ADGRF5: variants seen among roughly 807,000 people sequenced by gnomAD.
ADGRF5 encodes adhesion G protein-coupled receptor F5.
In ADGRF5, 75 loss-of-function variants were observed where a neutral mutation model predicts 132.3. The ratio of observed to expected loss-of-function variants is 0.57; its 90% CI spans 0.47 to 0.69. ADGRF5 has a LOEUF of 0.69. ADGRF5 is among the 30% of genes least tolerant of loss of function. The pLI is 0.00. For missense variants in ADGRF5, 1,516 were observed against 1,630.6 expected (o/e 0.93, Z 1.21); for synonymous variants, 629 against 597.6 (o/e 1.05, Z -0.77).
At chr6:46,936,496 G>A (rs888115293) in intron 1 of ADGRF5, among the ~76,000 whole-genome samples, 4 of 152,188 alleles carry the variant, frequency 2.6e-5, no homozygotes, top group Non-Finnish European at 2.9e-5. Flanking sequence ...GTGAGTTTAC[G>A]TCACACACGC....
At position 46,892,706 on chromosome 6, in the gene ADGRF5, C is replaced by A. The variant is rs148455210; in HGVS notation, c.158-4201G>T. ...TGGAGGTTGCAGTGAGCCGAGATTG[C>A]GCCACTGCACTCCAGCCTGGGAGAC... is the stretch of plus-strand genomic sequence containing the variant. On this transcript the variant is annotated intron_variant, in intron 3 of 20. Coordinates refer to ENST00000283296, the MANE Select transcript of ADGRF5 (RefSeq NM_001098518.2). Among the ~76,000 whole-genome samples the A allele has an allele frequency of 7.4e-3, 1,132 of 152,152 alleles. 10 individuals are homozygous for A. Among genetic ancestry groups the A allele is most frequent in the African/African-American group, 0.026 (1,075 of 41,502 alleles).
rs1581838783 is a variant in ADGRF5 at position 46,883,441 on chromosome 6, A to C, written c.612+118T>G. 1.1e-5 allele frequency: 7 copies of C among 644,078 alleles called. No homozygotes were observed. The East Asian group carries it at 2.1e-4, about 19-fold the overall frequency. 39.9% of individuals were successfully genotyped at this position (644,078 alleles called of 1,614,324 possible). On this transcript the variant is annotated intron_variant, in intron 6 of 20. Coordinates refer to ENST00000283296, the MANE Select transcript of ADGRF5 (RefSeq NM_001098518.2). ...AATTCACCATCTCAGATGTAAAAGA[A>C]TAATAAATCCACATCCGTAAATTCT...
At chr6:46,923,636 C>A (rs1777106721), upstream of ADGRF5, among the ~76,000 whole-genome samples, 1 of 152,210 alleles carries the variant, frequency 6.6e-6, no homozygotes, top group African/African-American at 2.4e-5. Context: ...TTGTTGGGTG[C>A]AGCAGGCTGT....
At position 46,856,712 on chromosome 6, in the gene ADGRF5, G is replaced by A. The variant is rs1769091268; in HGVS notation, c.3876+6C>T. ...AATGAAAAGTCTCTGCAGAGAAAAA[G>A]TTTACCTTTGAGTGCTGTGAAGACC... On this transcript the variant is annotated splice_donor_region_variant and intron_variant, in intron 19 of 20. Transcript: ENST00000283296. 1.5e-6 allele frequency: 2 copies of A among 1,318,834 alleles called. No homozygotes were observed. Among genetic ancestry groups the A allele is most frequent in the African/African-American group, 2.8e-5 (2 of 71,994 alleles). 81.7% of individuals were successfully genotyped at this position (1,318,834 alleles called of 1,614,324 possible).
At chr6:46,887,097 T>C (rs560764371) in intron 4 of ADGRF5, 2 of 152,348 alleles carry the variant, frequency 1.3e-5, no homozygotes, top group South Asian at 4.1e-4. Flanking sequence ...ATTGAATATA[T>C]GTAAGATAAA....
rs11426832 is a variant in ADGRF5 at position 46,953,618 on chromosome 6, GA to G, written c.-25+1115del. On this transcript the variant is annotated intron_variant, in intron 1 of 20. Coordinates refer to the ADGRF5 transcript ENST00000265417. Reference sequence around the variant, plus strand: ...GGCGACAGAGTGAGACACAGTCTCAGAAAAAAAAAATTATATATATATAGAT... The same window carrying G: ...GGCGACAGAGTGAGACACAGTCTCAGAAAAAAAAATTATATATATATAGAT... 4.4e-4 allele frequency among the ~76,000 whole-genome samples: 48 copies of G among 108,454 alleles called. 1 individual carries two copies. Among genetic ancestry groups the G allele is most frequent in the African/African-American group, 1.4e-3 (38 of 27,204 alleles). 71.2% of individuals were successfully genotyped at this position (108,454 alleles called of 152,430 possible).
intron 17 of ADGRF5, 82 bp from the exon 18 acceptor site, chr6:46,856,990 G>T: frequency 2.8e-6 from 3 of 1,063,850 alleles, no homozygotes; most frequent in Non-Finnish European, 4.3e-6. Context: ...TTAACCTGGT[G>T]TTAAATTTGT....
rs770739353 is a variant in ADGRF5 at position 46,881,430 on chromosome 6, A to T, written c.814+25T>A. 1.4e-5 allele frequency: 22 copies of T among 1,597,116 alleles called. No homozygotes were observed. In the South Asian group the frequency reaches 2.1e-4, roughly 15 times the overall value. ...TTTACGCATAACCATAAATAACATG[A>T]CCATATCTAAACAATTTCACTTACT... On this transcript the variant is annotated intron_variant, in intron 8 of 20. Coordinates refer to ENST00000283296, the MANE Select transcript of ADGRF5 (RefSeq NM_001098518.2).
intron 11 of ADGRF5, among the ~76,000 whole-genome samples, chr6:46,869,637 T>A (rs1048777544): frequency 6.6e-6 from 1 of 152,230 alleles, no homozygotes; most frequent in African/African-American, 2.4e-5. Flanking sequence ...GCACTGGGTC[T>A]AGTACACAGT....
intron 16 of ADGRF5, 130 bp downstream of exon 16, chr6:46,860,585 G>T: frequency 1.8e-6 from 1 of 549,832 alleles, no homozygotes; most frequent in Non-Finnish European, 3.2e-6. Flanking sequence ...ATAGCTGGCA[G>T]AACTATCCTG....
intron 17 of ADGRF5, 83 bp downstream of exon 17, chr6:46,858,046 T>C (rs1465923855): frequency 2.9e-6 from 3 of 1,041,092 alleles, no homozygotes; most frequent in Non-Finnish European, 2.8e-6. Context: ...TCCTTCCCCA[T>C]TCCTACTCTT....
chr6:46,922,936 T>A (rs1777055660), upstream of ADGRF5, among the ~76,000 whole-genome samples: 5 of 152,242 alleles, frequency 3.3e-5, 1 homozygote, highest in South Asian at 1.0e-3. Flanking sequence ...TTCAGTGTTG[T>A]TTTGTTTTTA....
intron 10 of ADGRF5, among the ~76,000 whole-genome samples, chr6:46,876,784 TA>T (rs1400351922): frequency 6.6e-6 from 1 of 152,178 alleles, no homozygotes; most frequent in African/African-American, 2.4e-5. Context: ...TTTGTATTTT[TA>T]GTAGAGATGG....
chr6:46,854,096 C>G, intron 20 of ADGRF5, 25 bp from the exon 21 acceptor site: 2 of 1,542,322 alleles, frequency 1.3e-6, no homozygotes, highest in Non-Finnish European at 1.8e-6. Context: ...AGCAACTCAG[C>G]CTTGAAGACA....
intron 2 of ADGRF5, among the ~76,000 whole-genome samples, chr6:46,901,520 A>C (rs1476351030): frequency 6.6e-6 from 1 of 152,208 alleles, no homozygotes; most frequent in Non-Finnish European, 1.5e-5. Flanking sequence ...ATACTTCCTA[A>C]GATGTATTTA....
At chr6:46,946,648 G>A (rs1778312505) in intron 1 of ADGRF5, among the ~76,000 whole-genome samples, 1 of 152,322 alleles carries the variant, frequency 6.6e-6, no homozygotes, top group East Asian at 1.9e-4. Flanking sequence ...GAGCACGGGA[G>A]AGCTGAGCTC....
At chr6:46,941,487 A>C (rs1778086566) in intron 1 of ADGRF5, among the ~76,000 whole-genome samples, 2 of 138,648 alleles carry the variant, frequency 1.4e-5, no homozygotes, top group South Asian at 4.6e-4. Context: ...AAAGAAAAGA[A>C]AGAAAAGAAA....
chr6:46,879,286 C>T (rs953830131), intron 9 of ADGRF5, among the ~76,000 whole-genome samples: 7 of 151,610 alleles, frequency 4.6e-5, no homozygotes, highest in South Asian at 4.2e-4. Context: ...ATTAATACCA[C>T]GGTGATATGA....
chr6:46,855,186 A>T (rs1768898533), intron 20 of ADGRF5, among the ~76,000 whole-genome samples: 1 of 151,580 alleles, frequency 6.6e-6, no homozygotes, highest in African/African-American at 2.4e-5. Flanking sequence ...AACTGTGAAT[A>T]TTTTTTTTTC....
Sources: allele counts gnomAD v4.1 joint callset (sites outside exome capture counted in the v4.1 genomes callset), GRCh38; gene constraint gnomAD v4.1.1; transcripts MANE v1.5; gene names NCBI Gene and HGNC (gene_info 2026-07-23, HGNC 2026-07-21).